PLCB4: variants seen among roughly 807,000 people sequenced by gnomAD.
PLCB4 encodes the protein phospholipase C beta 4.
Under a neutral mutation model 178.8 loss-of-function variants are expected in PLCB4, and 77 were observed. The ratio of observed to expected loss-of-function variants is 0.43; its 90% confidence interval spans 0.36 to 0.52. PLCB4 has a LOEUF of 0.52. Among genes scored for constraint, PLCB4 ranks in the 20% least tolerant of loss-of-function variants. The pLI is 0.00. For synonymous variants in PLCB4, 496 were observed against 490.8 expected, an observed-to-expected ratio of 1.01 and a Z score of -0.14; for missense variants, 1,024 against 1,453.4, an observed-to-expected ratio of 0.70 and a Z score of 4.80.
chr20:9,314,902 G>T (rs550326384), intron 4 of PLCB4, among the ~76,000 whole-genome samples: 1 of 148,642 alleles, frequency 6.7e-6, no homozygotes, highest in African/African-American at 2.5e-5. Context: ...ACGGAATTTC[G>T]TGCTTGTTAC....
chr20:9,457,475 G>C lies in PLCB4; in HGVS notation c.3058G>C (p.Asp1020His), dbSNP rs745332321. ...AATCAAAATTCAGACGCTGACATCA[G>C]ATCACAAATCTAAGGTAAGAAAATG... ...TEIKIQTLTS[D>H]HKSKVKEIVA... Residue 1020 changes from aspartate (D) to histidine (H), a missense_variant, in exon 34 of 40, where the codon GAT (aspartate) becomes CAT (histidine). By Grantham distance (81) the Asp-to-His change is moderately conservative (BLOSUM62 -1). Transcript: ENST00000378473. The C allele has an allele frequency of 3.3e-6, 5 of 1,511,896 alleles. No individual in the cohort carries two copies. In the African/African-American group the frequency reaches 5.5e-5, roughly 17 times the overall value. 93.7% of individuals were successfully genotyped at this position (1,511,896 alleles called of 1,614,324 possible).
chr20:9,361,970 A>G (rs1363773441), intron 7 of PLCB4, among the ~76,000 whole-genome samples: 1 of 152,230 alleles, frequency 6.6e-6, no homozygotes, highest in Non-Finnish European at 1.5e-5. Flanking sequence ...GACAGTGCAT[A>G]TAGAGTATAC....
intron 36 of PLCB4, among the ~76,000 whole-genome samples, chr20:9,471,999 G>A (rs753824209): frequency 6.6e-6 from 1 of 152,296 alleles, no homozygotes; most frequent in African/African-American, 2.4e-5. Flanking sequence ...TCGTTGTAGC[G>A]TTGTTTGAAA....
chr20:9,253,510 T>G (rs1217569647), intron 3 of PLCB4, among the ~76,000 whole-genome samples: 1 of 152,050 alleles, frequency 6.6e-6, no homozygotes, highest in Non-Finnish European at 1.5e-5. Flanking sequence ...TGAAAATGGG[T>G]TTCCCTTCCC....
At chr20:9,113,851 G>C (rs2091680021) in intron 2 of PLCB4, among the ~76,000 whole-genome samples, 1 of 152,100 alleles carries the variant, frequency 6.6e-6, no homozygotes, top group East Asian at 1.9e-4. Context: ...TATATACCTA[G>C]TGTTGTGTTG....
chr20:9,097,914 T>C (rs1456518934), intron 2 of PLCB4, among the ~76,000 whole-genome samples: 1 of 152,192 alleles, frequency 6.6e-6, no homozygotes, highest in African/African-American at 2.4e-5. Context: ...TGAGTTGTAA[T>C]GTTCGGCCCA....
At chr20:9,184,200 C>G (rs2093293156) in intron 2 of PLCB4, among the ~76,000 whole-genome samples, 1 of 152,140 alleles carries the variant, frequency 6.6e-6, no homozygotes, top group Non-Finnish European at 1.5e-5. Flanking sequence ...GCGATCCTTG[C>G]TCAAAGGTGA....
intron 3 of PLCB4, among the ~76,000 whole-genome samples, chr20:9,264,318 T>C (rs6056508): frequency 7.0e-4 from 106 of 152,334 alleles, no homozygotes; most frequent in African/African-American, 2.2e-3. Flanking sequence ...CTGCCATTAT[T>C]GTTAAATCAA....
intron 3 of PLCB4, among the ~76,000 whole-genome samples, chr20:9,277,019 G>A (rs2094456324): frequency 6.6e-6 from 1 of 151,950 alleles, no homozygotes; most frequent in Non-Finnish European, 1.5e-5. Context: ...CATTTTAATG[G>A]GGCCCCCAGG....
At chr20:9,455,920 C>T (rs915763382) in intron 33 of PLCB4, among the ~76,000 whole-genome samples, 6 of 152,198 alleles carry the variant, frequency 3.9e-5, no homozygotes, top group Admixed American at 1.3e-4. Context: ...AATGCAACCT[C>T]CGCCTCCCAG....
chr20:9,076,187 C>T (rs1208128900), intron 1 of PLCB4, among the ~76,000 whole-genome samples: 1 of 152,088 alleles, frequency 6.6e-6, no homozygotes, highest in Non-Finnish European at 1.5e-5. Context: ...GAACACCTGG[C>T]CGGGCGCGAT....
chr20:9,401,489 G>T lies in PLCB4; in HGVS notation c.1511-1G>T. On this transcript the variant is annotated splice_acceptor_variant, in intron 19 of 39. Coordinates refer to ENST00000378473, the MANE Select transcript of PLCB4 (RefSeq NM_001377142.1). LOFTEE classifies it high-confidence loss of function. ...GGATTTTCCATTTGTCTTTCACACAGCTGACCAAGAGGAGGAAGCTCACCC... is the reference window on the plus strand; with the variant it reads ...GGATTTTCCATTTGTCTTTCACACATCTGACCAAGAGGAGGAAGCTCACCC... 1 of 1,609,894 alleles carries T rather than the reference G, an allele frequency of 6.2e-7. No individual in the cohort carries two copies.
At chr20:9,332,083 C>A (rs759773343) in intron 4 of PLCB4, among the ~76,000 whole-genome samples, 1 of 152,006 alleles carries the variant, frequency 6.6e-6, no homozygotes, top group African/African-American at 2.4e-5. Context: ...ATTCTGCCCA[C>A]CCCCCAAGGA....
chr20:9,318,286 G>A (rs2094922596), intron 4 of PLCB4, among the ~76,000 whole-genome samples: 1 of 151,408 alleles, frequency 6.6e-6, no homozygotes, highest in South Asian at 2.1e-4. Context: ...GCAGTTTGAG[G>A]GAAGAGGAGG....
chr20:9,399,729 C>A (rs1295106047), intron 19 of PLCB4, among the ~76,000 whole-genome samples: 1 of 152,222 alleles, frequency 6.6e-6, no homozygotes, highest in Non-Finnish European at 1.5e-5. Context: ...AAGTCTCCAC[C>A]ACTTGTTTGG....
At chr20:9,369,962 A>G (rs2036104811) in intron 9 of PLCB4, among the ~76,000 whole-genome samples, 1 of 152,182 alleles carries the variant, frequency 6.6e-6, no homozygotes, top group South Asian at 2.1e-4. Context: ...GTCGAGTTAA[A>G]ATGAAATTAT....
intron 3 of PLCB4, among the ~76,000 whole-genome samples, chr20:9,284,697 A>G (rs764301289): frequency 5.3e-5 from 8 of 151,994 alleles, no homozygotes; most frequent in Non-Finnish European, 1.2e-4. Context: ...TGACATGTAT[A>G]GAAATACCTT....
intron 2 of PLCB4, among the ~76,000 whole-genome samples, chr20:9,151,843 T>C (rs1402151081): frequency 2.0e-5 from 3 of 152,110 alleles, no homozygotes; most frequent in Admixed American, 1.3e-4. Flanking sequence ...GTGGGAAAGT[T>C]TGGAACTTCC....
At chr20:9,264,029 T>C (rs2094324142) in intron 3 of PLCB4, among the ~76,000 whole-genome samples, 1 of 152,176 alleles carries the variant, frequency 6.6e-6, no homozygotes, top group Admixed American at 6.5e-5. Flanking sequence ...CATCTTTTCA[T>C]AAAGCTTAAG....
Sources: gnomAD v4.1 joint callset for allele counts (sites outside exome capture counted in the v4.1 genomes callset) on GRCh38, gnomAD v4.1.1 for gene constraint, MANE v1.5 for transcripts, NCBI Gene and HGNC (gene_info 2026-07-23, HGNC 2026-07-21) for gene names.